Variants in SRFBP1 observed in about 807,000 individuals in gnomAD.
SRFBP1 encodes serum response factor-binding protein 1.
A neutral mutation model predicts 45.5 loss-of-function variants in SRFBP1; 47 were observed. That is an observed-to-expected ratio of 1.03 (90% CI 0.82 to 1.32). The LOEUF (loss-of-function observed/expected upper bound fraction) is 1.32. Among genes scored for constraint, SRFBP1 ranks in the 40% most tolerant of loss-of-function variants. The pLI, the probability that SRFBP1 is intolerant of heterozygous loss-of-function variation, is 0.00. For missense variants in SRFBP1, 621 were observed against 484.6 expected (o/e 1.28, Z -2.64); for synonymous variants, 203 against 166.3 (o/e 1.22, Z -1.70).
chr5:121,986,612 T>G (rs1580508122), intron 3 of SRFBP1, among the ~76,000 whole-genome samples: 1 of 152,052 alleles, frequency 6.6e-6, no homozygotes, highest in Non-Finnish European at 1.5e-5. Context: ...CACCCAAATT[T>G]AGCCAGTGGT....
chr5:121,994,472 G>T, intron 3 of SRFBP1, 127 bp from the exon 4 acceptor site: 3 of 640,692 alleles, frequency 4.7e-6, no homozygotes, highest in South Asian at 1.9e-5. Flanking sequence ...TATTTTATGG[G>T]AGTTAATTCT....
At chr5:122,034,991 G>C (rs74773296) in intron 2 of SRFBP1, among the ~76,000 whole-genome samples, 1 of 151,716 alleles carries the variant, frequency 6.6e-6, no homozygotes, top group African/African-American at 2.4e-5. Context: ...AGATGTATCT[G>C]TTTGTCTGGG....
At chr5:122,010,449 A>T (rs1234457474) in intron 4 of SRFBP1, among the ~76,000 whole-genome samples, 1 of 152,174 alleles carries the variant, frequency 6.6e-6, no homozygotes, top group African/African-American at 2.4e-5. Flanking sequence ...TTGAAGATTA[A>T]CATCACTGTC....
intron 3 of SRFBP1, among the ~76,000 whole-genome samples, chr5:121,991,244 A>G (rs532616156): frequency 6.6e-6 from 1 of 152,282 alleles, no homozygotes; most frequent in South Asian, 2.1e-4. Context: ...TGTAATTTAT[A>G]TGTTCTTAAA....
At chr5:122,039,074 C>T (rs1309712974) in intron 2 of SRFBP1, among the ~76,000 whole-genome samples, 1 of 152,170 alleles carries the variant, frequency 6.6e-6, no homozygotes, top group Non-Finnish European at 1.5e-5. Context: ...GCCCTCACTC[C>T]TGGATCAGAG....
intron 2 of SRFBP1, among the ~76,000 whole-genome samples, chr5:122,058,529 AGTGTGTGTGTGTGT>A (rs147926229): frequency 2.0e-4 from 29 of 142,348 alleles, no homozygotes; most frequent in South Asian, 9.1e-4. Flanking sequence ...ACAATGAGAT[AGTGTGTGTGTGTGT>A]GTGTGTGTGT....
At chr5:122,045,976 A>G (rs953887240) in intron 2 of SRFBP1, among the ~76,000 whole-genome samples, 1 of 152,100 alleles carries the variant, frequency 6.6e-6, no homozygotes, top group Non-Finnish European at 1.5e-5. Flanking sequence ...ATTCAGTATG[A>G]TGTTGGCTGT....
chr5:122,025,448 A>G (rs1753460189), intron 7 of SRFBP1, among the ~76,000 whole-genome samples: 1 of 152,170 alleles, frequency 6.6e-6, no homozygotes, highest in Non-Finnish European at 1.5e-5. Context: ...TTATAGTAGC[A>G]TGATTTATAA....
rs116832998 is a variant in SRFBP1, at chr5:122,006,986, T to C, written c.271-12274T>C. On this transcript the variant is annotated intron_variant, in intron 4 of 7. Transcript: ENST00000339397. The stretch of plus-strand genomic sequence containing the variant: ...TAGGTTTTTTCTGTCTCTTGTTGCC[T>C]TATGTTGATTTTTGCATATTTACAG... Among the ~76,000 whole-genome samples, 210 of 152,200 alleles carry C rather than the reference T, an allele frequency of 1.4e-3. 3 individuals carry two copies. Among genetic ancestry groups the C allele is most frequent in the African/African-American group, 4.9e-3 (204 of 41,434 alleles).
chr5:122,026,951 A>G lies in SRFBP1; in HGVS notation c.1115A>G (p.Gln372Arg), dbSNP rs1489324926. The stretch of plus-strand genomic sequence containing the variant: ...TGCTTTCTCTTCCTAGATTTTCCAC[A>G]GAATGAGCCTCAGATCAAGAATCAG... ...APKTRSLDFP[Q>R]NEPQIKNQFN... is the part of the protein sequence containing the mutation. The change falls in exon 8 of 8, where the codon CAG (glutamine) becomes CGG (arginine). Residue 372 changes from glutamine to arginine, a missense_variant. Physicochemically the swap from Gln to Arg is conservative, Grantham distance 43. Coordinates refer to ENST00000339397, the MANE Select transcript of SRFBP1 (RefSeq NM_152546.3). 1 of 1,604,322 alleles carries G rather than the reference A, an allele frequency of 6.2e-7. No homozygotes were observed. Among genetic ancestry groups the G allele is most frequent in the Non-Finnish European group, 8.5e-7 (1 of 1,176,650 alleles).
Position 122,054,886 on chromosome 5 carries a change from C to A in SRFBP1, n.312-20429C>A, listed in dbSNP as rs1024424044. Among the ~76,000 whole-genome samples, 10 of 152,116 alleles carry A rather than the reference C, an allele frequency of 6.6e-5. No homozygotes were observed. The East Asian group carries it at 1.5e-3, about 23-fold the overall frequency. On this transcript the variant is annotated intron_variant and non_coding_transcript_variant, in intron 2 of 2. Coordinates refer to the SRFBP1 transcript ENST00000504881. ...TTCCCCTCAAATTTGTTAGTTATGT[C>A]ATTTCTACCTTATGAAGGCTTATGA...
At chr5:121,982,697 T>C (rs991483162) in intron 3 of SRFBP1, among the ~76,000 whole-genome samples, 1 of 151,864 alleles carries the variant, frequency 6.6e-6, no homozygotes, top group Non-Finnish European at 1.5e-5. Flanking sequence ...ACCTAAGTTT[T>C]AAATAAGGAA....
chr5:121,974,976 T>A (rs1752271918), intron 2 of SRFBP1, among the ~76,000 whole-genome samples: 1 of 151,938 alleles, frequency 6.6e-6, no homozygotes, highest in African/African-American at 2.4e-5. Context: ...AAACTCTAAT[T>A]GTAAATTATG....
At chr5:122,074,488 G>A (rs1222029765) in intron 2 of SRFBP1, among the ~76,000 whole-genome samples, 1 of 152,128 alleles carries the variant, frequency 6.6e-6, no homozygotes, top group Non-Finnish European at 1.5e-5. Context: ...AACTTGCCCT[G>A]TGTTCTCTAG....
At chr5:122,040,142 AT>A (rs1455908257) in intron 2 of SRFBP1, among the ~76,000 whole-genome samples, 1 of 151,928 alleles carries the variant, frequency 6.6e-6, no homozygotes, top group East Asian at 1.9e-4. Flanking sequence ...ATGTTGGGTC[AT>A]TACTTTTGAT....
intron 1 of SRFBP1, 118 bp downstream of exon 1, chr5:121,962,186 C>T: frequency 1.5e-6 from 2 of 1,313,892 alleles, no homozygotes; most frequent in South Asian, 1.2e-5. Context: ...GTGGTGGGCC[C>T]AGGCGGGTTT....
intron 2 of SRFBP1, chr5:122,063,370 G>A (rs983946191): frequency 3.3e-5 from 5 of 151,814 alleles, no homozygotes; most frequent in Admixed American, 6.6e-5. Context: ...TGAAAAATTT[G>A]GGAGAAGCTA....
chr5:122,044,990 A>C (rs1340340035), intron 2 of SRFBP1, among the ~76,000 whole-genome samples: 2 of 152,060 alleles, frequency 1.3e-5, no homozygotes, highest in Non-Finnish European at 2.9e-5. Context: ...TTATAGTTTT[A>C]GTTTTTACAT....
At chr5:122,077,482 G>A, downstream of SRFBP1, 1 of 1,613,914 alleles carries the variant, frequency 6.2e-7, no homozygotes, top group Non-Finnish European at 8.5e-7. The surrounding 1 kb of genome is among the most constrained non-coding windows in gnomAD (Gnocchi z 4.9). Flanking sequence ...AAGGGTCGTC[G>A]CCCACCATGC....
Sources: gnomAD v4.1 joint callset for allele counts (sites outside exome capture counted in the v4.1 genomes callset) on GRCh38, gnomAD v4.1.1 for gene constraint, Gnocchi (gnomAD v3.1) non-coding constraint, MANE v1.5 for transcripts, NCBI Gene and HGNC (gene_info 2026-07-23, HGNC 2026-07-21) for gene names.